Variants in CMSS1 observed in about 807,000 individuals in gnomAD.
The protein encoded by CMSS1 is protein CMSS1.
A neutral mutation model predicts 43.5 loss-of-function variants in CMSS1; 33 were observed. The ratio of observed to expected loss-of-function variants is 0.76; its 90% CI spans 0.57 to 1.01. CMSS1 has a LOEUF of 1.01. Among genes scored for constraint, CMSS1 ranks in the 50% least tolerant of loss-of-function variants. The pLI is 0.00. For synonymous variants in CMSS1, 115 were observed against 117.2 expected (o/e 0.98, Z 0.12); for missense variants, 313 against 326.4 (o/e 0.96, Z 0.32).
intron 1 of CMSS1, among the ~76,000 whole-genome samples, chr3:100,027,660 A>G (rs1232599296): frequency 6.6e-6 from 1 of 152,180 alleles, no homozygotes; most frequent in African/African-American, 2.4e-5. Flanking sequence ...GCTGTTTAGA[A>G]TATGGAAAAT....
intron 1 of CMSS1, among the ~76,000 whole-genome samples, chr3:99,831,929 A>G (rs1942682071): frequency 6.6e-6 from 1 of 152,168 alleles, no homozygotes; most frequent in South Asian, 2.1e-4. Context: ...CTACCTGGGT[A>G]TGCATAGTTC....
At chr3:100,121,167 C>T (rs780890667) in intron 1 of CMSS1, among the ~76,000 whole-genome samples, 8 of 152,020 alleles carry the variant, frequency 5.3e-5, no homozygotes, top group Non-Finnish European at 8.8e-5. Context: ...TAGGTATACA[C>T]GTGTCATGGT....
intron 1 of CMSS1, among the ~76,000 whole-genome samples, chr3:99,818,968 CTTTT>C (rs1942378941): frequency 6.6e-6 from 1 of 152,226 alleles, no homozygotes; most frequent in Admixed American, 6.5e-5. Context: ...AGGTCTGCCT[CTTTT>C]CTCTACAAGA....
At position 100,178,414 on chromosome 3, in the gene CMSS1, T is replaced by G. The variant is rs770536552; in HGVS notation, c.*26T>G. ...GTCTGTGTCCTAATGAAGATTCCAGTTTTCACAGTAGAAGTTGCATCTTAT... is the reference window on the plus strand; with the variant it reads ...GTCTGTGTCCTAATGAAGATTCCAGGTTTCACAGTAGAAGTTGCATCTTAT... On this transcript the variant is annotated 3_prime_UTR_variant, in exon 10 of 10. Transcript: ENST00000421999. 5 of 1,443,564 alleles carry G rather than the reference T, an allele frequency of 3.5e-6. No individual in the cohort carries two copies. Among genetic ancestry groups the G allele is most frequent in the Non-Finnish European group, 4.9e-6 (5 of 1,029,650 alleles). 89.4% of individuals were successfully genotyped at this position (1,443,564 alleles called of 1,614,324 possible).
chr3:100,167,687 G>T, intron 5 of CMSS1, 51 bp from the exon 6 acceptor site: 1 of 1,153,986 alleles, frequency 8.7e-7, no homozygotes. Flanking sequence ...CTTGGGAGGT[G>T]TGCCCTGTTT....
intron 1 of CMSS1, among the ~76,000 whole-genome samples, chr3:99,885,598 A>C (rs1705866668): frequency 6.6e-6 from 1 of 152,262 alleles, no homozygotes; most frequent in African/African-American, 2.4e-5. Context: ...TCAAAATGTA[A>C]AAGTGGCTTA....
intron 1 of CMSS1, among the ~76,000 whole-genome samples, chr3:99,842,994 TGAG>T (rs1250921522): frequency 2.6e-5 from 4 of 152,160 alleles, no homozygotes; most frequent in Non-Finnish European, 4.4e-5. Flanking sequence ...TGATGTACCT[TGAG>T]GAATGGAAAG....
chr3:100,129,276 A>C (rs1233528198), intron 1 of CMSS1, among the ~76,000 whole-genome samples: 2 of 152,204 alleles, frequency 1.3e-5, no homozygotes, highest in Non-Finnish European at 2.9e-5. Flanking sequence ...GGTGCCCATT[A>C]GATTTTTGAG....
chr3:100,088,144 T>C (rs776726471), intron 1 of CMSS1, among the ~76,000 whole-genome samples: 2 of 152,210 alleles, frequency 1.3e-5, no homozygotes, highest in African/African-American at 2.4e-5. Context: ...ACTATAATTT[T>C]TTTAAACTAC....
intron 1 of CMSS1, among the ~76,000 whole-genome samples, chr3:99,908,834 A>G (rs559418571): frequency 3.3e-5 from 5 of 152,148 alleles, no homozygotes; most frequent in African/African-American, 4.8e-5. Context: ...TATAGAATAT[A>G]CAAAATAGAA....
chr3:99,957,895 C>G (rs1262755525), intron 1 of CMSS1, among the ~76,000 whole-genome samples: 1 of 149,482 alleles, frequency 6.7e-6, no homozygotes, highest in Non-Finnish European at 1.5e-5. Context: ...TTTTTAGATT[C>G]AACAAAACCT....
At chr3:99,957,693 C>CTTTTTTTTTTTTTTTTTTTTTTTTT (rs779350496) in intron 1 of CMSS1, among the ~76,000 whole-genome samples, 346 of 19,884 alleles carry the variant, frequency 0.017, 113 homozygotes, top group Non-Finnish European at 0.022. Context: ...TTCTTTCTTT[C>CTTTTTTTTTTTTTTTTTTTTTTTTT]TTTTTTTTTT....
intron 1 of CMSS1, among the ~76,000 whole-genome samples, chr3:99,976,485 A>G (rs767693946): frequency 3.9e-5 from 6 of 152,188 alleles, no homozygotes; most frequent in Non-Finnish European, 8.8e-5. Context: ...AGTAGGACCC[A>G]TGGTGGACCT....
chr3:99,994,228 A>C (rs964511935), intron 1 of CMSS1, among the ~76,000 whole-genome samples: 1 of 152,122 alleles, frequency 6.6e-6, no homozygotes, highest in Non-Finnish European at 1.5e-5. Flanking sequence ...CAGCATTCAG[A>C]TCAGAAAACA....
At chr3:99,839,758 A>G (rs1315166705) in intron 1 of CMSS1, among the ~76,000 whole-genome samples, 2 of 152,236 alleles carry the variant, frequency 1.3e-5, no homozygotes, top group African/African-American at 4.8e-5. Context: ...CAGTCTGTCA[A>G]GTAAGTGGAA....
At chr3:100,174,535 AT>A (rs1013882067) in intron 8 of CMSS1, among the ~76,000 whole-genome samples, 101 of 152,360 alleles carry the variant, frequency 6.6e-4, no homozygotes, top group African/African-American at 2.4e-3. Context: ...TTTTAAAAAA[AT>A]ATTAATGAAA....
chr3:100,096,596 A>G (rs2107447498), intron 1 of CMSS1, among the ~76,000 whole-genome samples: 1 of 151,840 alleles, frequency 6.6e-6, no homozygotes, highest in Non-Finnish European at 1.5e-5. Context: ...GAGTAGAGGG[A>G]TGGTTACCAG....
chr3:100,002,102 A>G (rs998171859), intron 1 of CMSS1, among the ~76,000 whole-genome samples: 8 of 152,198 alleles, frequency 5.3e-5, no homozygotes, highest in Admixed American at 3.3e-4. Flanking sequence ...AGTGGAAAAC[A>G]TGCCCAAAGC....
intron 1 of CMSS1, among the ~76,000 whole-genome samples, chr3:99,841,155 G>A (rs1943112732): frequency 1.3e-5 from 2 of 152,218 alleles, no homozygotes; most frequent in African/African-American, 2.4e-5. Context: ...CTAAGACACT[G>A]CGCATGTCAC....
Sources: allele counts gnomAD v4.1 joint callset (sites outside exome capture counted in the v4.1 genomes callset), GRCh38; gene constraint gnomAD v4.1.1; transcripts MANE v1.5; gene names NCBI Gene and HGNC (gene_info 2026-07-23, HGNC 2026-07-21).